COMMD10: variants seen among roughly 807,000 people sequenced by gnomAD.
COMMD10 encodes COMM domain containing 10, also known as COMM domain-containing protein 10.
COMMD10 carries 33 observed loss-of-function variants against 28.9 expected under a neutral mutation model. The ratio of observed to expected loss-of-function variants is 1.14; its 90% CI spans 0.87 to 1.53. The LOEUF (loss-of-function observed/expected upper bound fraction) is 1.53, where lower values mean the gene tolerates loss of function less well. Among genes scored for constraint, COMMD10 ranks in the 40% most tolerant of loss-of-function variants. COMMD10 has a pLI of 0.00. For synonymous variants in COMMD10, 110 were observed against 81.7 expected (o/e 1.35, Z -1.87); for missense variants, 310 against 233.4 (o/e 1.33, Z -2.14).
chr5:116,150,531 G>C (rs373667184), intron 5 of COMMD10, among the ~76,000 whole-genome samples: 28,564 of 141,364 alleles, frequency 0.2, 5,165 homozygotes, highest in African/African-American at 0.52. Context: ...CTTTTATTTC[G>C]TTGAGCAGTG....
chr5:116,287,264 G>A (rs1449652936), intron 5 of COMMD10, among the ~76,000 whole-genome samples: 1 of 151,502 alleles, frequency 6.6e-6, no homozygotes, highest in Non-Finnish European at 1.5e-5. Context: ...TATGAGGTTT[G>A]GTGCATAAAT....
At chr5:116,227,830 C>A (rs1317405787) in intron 5 of COMMD10, among the ~76,000 whole-genome samples, 8 of 152,028 alleles carry the variant, frequency 5.3e-5, no homozygotes, top group Admixed American at 5.3e-4. Context: ...AGTTCTCTCA[C>A]CCAGGGACAT....
chr5:116,212,588 G>C (rs1580553017), intron 5 of COMMD10, among the ~76,000 whole-genome samples: 2 of 148,358 alleles, frequency 1.3e-5, no homozygotes, highest in South Asian at 4.3e-4. Context: ...CAGGGTGATA[G>C]ATGTATAGAA....
At chr5:116,161,337 C>T (rs890369236) in intron 5 of COMMD10, among the ~76,000 whole-genome samples, 4 of 151,930 alleles carry the variant, frequency 2.6e-5, no homozygotes, top group South Asian at 2.1e-4. Context: ...GGTTTAGTGC[C>T]GGCTGTATAA....
chr5:116,184,537 C>A lies in COMMD10; in HGVS notation c.510+50359C>A, dbSNP rs548569770. Among the ~76,000 whole-genome samples the A allele has an allele frequency of 1.2e-4, 18 of 152,052 alleles. No individual in the cohort carries two copies. The East Asian group carries it at 2.9e-3, about 24-fold the overall frequency. The stretch of plus-strand genomic sequence containing the variant: ...TGATAATATTGGTTAACACTGACTC[C>A]TAGGGTACAGTCTCATCAATGTTGG... On this transcript the variant is annotated intron_variant, in intron 5 of 6. Coordinates refer to ENST00000274458, the MANE Select transcript of COMMD10 (RefSeq NM_016144.4).
chr5:116,137,214 C>T (rs1580478831), intron 5 of COMMD10, among the ~76,000 whole-genome samples: 2 of 151,834 alleles, frequency 1.3e-5, no homozygotes, highest in South Asian at 4.2e-4. Flanking sequence ...TTATGTGACT[C>T]CTGTTATTAA....
chr5:116,132,256 T>C lies in COMMD10; in HGVS notation c.400-1812T>C, dbSNP rs962960950. ...TAATACTTTATAGTTTCCAAAATCC[T>C]TTAGGTGTGCATGTTATTGGATATT... On this transcript the variant is annotated intron_variant, in intron 4 of 6. Coordinates refer to ENST00000274458, the MANE Select transcript of COMMD10 (RefSeq NM_016144.4). 3.9e-5 allele frequency among the ~76,000 whole-genome samples: 6 copies of C among 152,230 alleles called. No individual in the cohort carries two copies. The South Asian group carries it at 1.0e-3, about 26-fold the overall frequency.
At chr5:116,131,440 A>G (rs888211343) in intron 4 of COMMD10, among the ~76,000 whole-genome samples, 17 of 151,726 alleles carry the variant, frequency 1.1e-4, no homozygotes, top group African/African-American at 4.1e-4. Context: ...TGTGTATGTG[A>G]AGAACCAACC....
At chr5:116,145,315 T>G (rs1009684707) in intron 5 of COMMD10, among the ~76,000 whole-genome samples, 1 of 151,836 alleles carries the variant, frequency 6.6e-6, no homozygotes, top group Non-Finnish European at 1.5e-5. Flanking sequence ...GTTGGCAGGT[T>G]GTGTAGTTTT....
chr5:116,251,041 C>G (rs1481566717), intron 5 of COMMD10, among the ~76,000 whole-genome samples: 1 of 151,900 alleles, frequency 6.6e-6, no homozygotes, highest in Non-Finnish European at 1.5e-5. Context: ...TGAAGCTTGC[C>G]CGTATCCAAA....
At chr5:116,166,635 C>G (rs1050063774) in intron 5 of COMMD10, among the ~76,000 whole-genome samples, 2 of 152,116 alleles carry the variant, frequency 1.3e-5, no homozygotes, top group African/African-American at 4.8e-5. Flanking sequence ...GACGAAACTT[C>G]CAGAGGAAGG....
At chr5:116,253,729 G>T (rs974287177) in intron 5 of COMMD10, among the ~76,000 whole-genome samples, 4 of 149,144 alleles carry the variant, frequency 2.7e-5, no homozygotes, top group African/African-American at 1.0e-4. Context: ...TTGCATCAAT[G>T]TTCATCAAGG....
chr5:116,152,193 C>G (rs1195658486), intron 5 of COMMD10, among the ~76,000 whole-genome samples: 1 of 152,104 alleles, frequency 6.6e-6, no homozygotes, highest in Admixed American at 6.6e-5. Flanking sequence ...ATCCTGAGTT[C>G]TAGTTTGATT....
At chr5:116,127,852 C>G (rs1299985199) in intron 4 of COMMD10, among the ~76,000 whole-genome samples, 1 of 151,910 alleles carries the variant, frequency 6.6e-6, no homozygotes, top group African/African-American at 2.4e-5. Context: ...GTGCAGCACA[C>G]CAACATGGCA....
At chr5:116,100,864 A>G (rs1750637409) in intron 4 of COMMD10, among the ~76,000 whole-genome samples, 1 of 152,144 alleles carries the variant, frequency 6.6e-6, no homozygotes, top group African/African-American at 2.4e-5. Context: ...CAGGACTTTT[A>G]GGTAATTTCT....
intron 6 of COMMD10, among the ~76,000 whole-genome samples, chr5:116,291,916 A>AAC (rs1751374710): frequency 6.6e-6 from 1 of 152,118 alleles, no homozygotes; most frequent in African/African-American, 2.4e-5. Context: ...GGTAAAGGGA[A>AAC]ACATGCCTTT....
chr5:116,148,720 C>A (rs1752419484), intron 5 of COMMD10, among the ~76,000 whole-genome samples: 1 of 151,530 alleles, frequency 6.6e-6, no homozygotes, highest in East Asian at 1.9e-4. Flanking sequence ...ATAAATTGAA[C>A]TTCATTAAAA....
chr5:116,226,717 A>G (rs989593533), intron 5 of COMMD10, among the ~76,000 whole-genome samples: 1 of 152,186 alleles, frequency 6.6e-6, no homozygotes, highest in African/African-American at 2.4e-5. Context: ...AAATGAAATC[A>G]TCTAAGTAGA....
chr5:116,259,814 C>G (rs1580592241), intron 5 of COMMD10, among the ~76,000 whole-genome samples: 1 of 151,752 alleles, frequency 6.6e-6, no homozygotes, highest in East Asian at 1.9e-4. Context: ...ATCTGGGACT[C>G]TCCATAGTCA....
Sources: allele counts gnomAD v4.1 joint callset (sites outside exome capture counted in the v4.1 genomes callset), GRCh38; gene constraint gnomAD v4.1.1; transcripts MANE v1.5; gene names NCBI Gene and HGNC (gene_info 2026-07-23, HGNC 2026-07-21).